NTRK2: variants seen among roughly 807,000 people sequenced by gnomAD.
NTRK2 encodes the protein neurotrophic receptor tyrosine kinase 2, also known as BDNF/NT-3 growth factors receptor.
A neutral mutation model predicts 94.5 loss-of-function variants in NTRK2; 13 were observed. The observed-to-expected ratio is 0.14, with a 90% CI of 0.09 to 0.22. NTRK2 has a LOEUF of 0.22. NTRK2 is among the 10% of genes least tolerant of loss of function. NTRK2 has a pLI of 1.00. For synonymous variants in NTRK2, 372 were observed against 407.4 expected, an observed-to-expected ratio of 0.91 and a Z score of 1.05; for missense variants, 639 against 1,071.2, an observed-to-expected ratio of 0.60 and a Z score of 5.63.
At chr9:84,695,221 G>T (rs1424697735) in intron 2 of NTRK2, among the ~76,000 whole-genome samples, 1 of 152,082 alleles carries the variant, frequency 6.6e-6, no homozygotes, top group Non-Finnish European at 1.5e-5. Flanking sequence ...TCATTTTGAT[G>T]TGTTGCCAAA....
chr9:84,989,298 A>C lies in NTRK2; in HGVS notation c.2173-30908A>C, dbSNP rs114125055. Among the ~76,000 whole-genome samples the C allele has an allele frequency of 3.2e-3, 493 of 152,270 alleles. 3 individuals carry two copies. Among genetic ancestry groups the C allele is most frequent in the African/African-American group, 0.011 (466 of 41,548 alleles). On this transcript the variant is annotated intron_variant, in intron 17 of 18. Coordinates refer to ENST00000277120, the MANE Select transcript of NTRK2 (RefSeq NM_006180.6). ...TCTCAGTTGTCACCACTTCAAAATTATGTTCTTTGCTTCTTAAAATCATCC... is the reference window on the plus strand; with the variant it reads ...TCTCAGTTGTCACCACTTCAAAATTCTGTTCTTTGCTTCTTAAAATCATCC...
intron 2 of NTRK2, among the ~76,000 whole-genome samples, chr9:84,686,837 A>G (rs1365254641): frequency 2.6e-5 from 4 of 152,374 alleles, no homozygotes; most frequent in African/African-American, 9.6e-5. Flanking sequence ...TGATAGACAT[A>G]TGAGATTAGA....
intron 14 of NTRK2, among the ~76,000 whole-genome samples, chr9:84,918,922 A>T (rs1370832470): frequency 6.6e-6 from 1 of 152,144 alleles, no homozygotes; most frequent in Non-Finnish European, 1.5e-5. Flanking sequence ...CTACCAGATG[A>T]TATGCTATTT....
intron 14 of NTRK2, among the ~76,000 whole-genome samples, chr9:84,899,504 C>T (rs1026633529): frequency 3.9e-5 from 6 of 152,206 alleles, no homozygotes; most frequent in African/African-American, 1.4e-4. Context: ...GCCCTCCCAC[C>T]AGCCATGACC....
intron 12 of NTRK2, among the ~76,000 whole-genome samples, chr9:84,842,637 TG>T (rs1280706842): frequency 6.6e-6 from 1 of 152,168 alleles, no homozygotes; most frequent in Non-Finnish European, 1.5e-5. Flanking sequence ...CCCATCTCCC[TG>T]GGGCTGATTT....
intron 14 of NTRK2, among the ~76,000 whole-genome samples, chr9:84,887,767 A>G (rs954695391): frequency 1.2e-4 from 18 of 152,156 alleles, no homozygotes; most frequent in African/African-American, 4.3e-4. Context: ...ACTTTGTTAC[A>G]TAGATTTCAG....
Position 84,814,908 on chromosome 9 carries a change from A to T in NTRK2, c.1397-46132A>T, listed in dbSNP as rs200132330. ...TTAGTACAGAAGTAACCACTCTATT[A>T]AGTGTGTTCTGCTATGTTCACATGC... On this transcript the variant is annotated intron_variant, in intron 12 of 18. Coordinates refer to ENST00000277120, the MANE Select transcript of NTRK2 (RefSeq NM_006180.6). 19 of 1,060,710 alleles carry T rather than the reference A, an allele frequency of 1.8e-5. No homozygotes were observed. In the African/African-American group the frequency reaches 3.1e-4, roughly 17 times the overall value. 65.7% of individuals were successfully genotyped at this position (1,060,710 alleles called of 1,614,324 possible). A position where few individuals can be genotyped will look rare whatever the true frequency, so the allele number is the denominator to read the frequency against.
rs191409625 is a variant in NTRK2, at chr9:84,854,685, G to C, written c.1397-6355G>C. On this transcript the variant is annotated intron_variant, in intron 12 of 18. Transcript: ENST00000277120. The stretch of plus-strand genomic sequence containing the variant: ...CTGAGGGCCGGGCGCGGTGGCTCAC[G>C]ACTGTAATCCCAGCACTTTAAGAGG... 1.8e-4 allele frequency among the ~76,000 whole-genome samples: 28 copies of C among 152,182 alleles called. No homozygotes were observed. In the East Asian group the frequency reaches 4.5e-3, roughly 24 times the overall value.
chr9:84,815,675 T>C, intron 12 of NTRK2: 1 of 1,006,222 alleles, frequency 9.9e-7, no homozygotes, highest in Non-Finnish European at 1.2e-6. Context: ...CAATCATTTT[T>C]AACAAGCCAA....
At chr9:84,871,818 T>A in intron 14 of NTRK2, 1 of 1,613,746 alleles carries the variant, frequency 6.2e-7, no homozygotes, top group Non-Finnish European at 8.5e-7. Context: ...GACCGCCTGA[T>A]AATAATTTGG....
chr9:84,840,419 A>G (rs1334156972), intron 12 of NTRK2, among the ~76,000 whole-genome samples: 3 of 151,960 alleles, frequency 2.0e-5, no homozygotes, highest in Non-Finnish European at 4.4e-5. Flanking sequence ...TCCCCAGACC[A>G]TATGCCACCT....
At chr9:84,809,882 G>GAAAAAAAAAAAAAAAAAA (rs35481612) in intron 12 of NTRK2, among the ~76,000 whole-genome samples, 1 of 118,778 alleles carries the variant, frequency 8.4e-6, no homozygotes. Context: ...ACTCTGTCTG[G>GAAAAAAAAAAAAAAAAAA]AAAAAAAAAA....
At chr9:84,695,003 C>T (rs1270764950) in intron 2 of NTRK2, among the ~76,000 whole-genome samples, 3 of 140,008 alleles carry the variant, frequency 2.1e-5, no homozygotes, top group African/African-American at 5.3e-5. Flanking sequence ...TGCAGTGAGC[C>T]GAGATCGCGC....
chr9:84,986,473 A>T (rs915490241), intron 17 of NTRK2, among the ~76,000 whole-genome samples: 4 of 152,140 alleles, frequency 2.6e-5, no homozygotes, highest in African/African-American at 9.7e-5. Context: ...ATCTGATAGG[A>T]GGCGGACCCC....
At chr9:84,740,464 A>G (rs2063561173) in intron 9 of NTRK2, among the ~76,000 whole-genome samples, 1 of 152,162 alleles carries the variant, frequency 6.6e-6, no homozygotes, top group African/African-American at 2.4e-5. Flanking sequence ...GCATACATTG[A>G]TACAGTGCCA....
rs1408349645 is a variant in NTRK2 at position 84,955,279 on chromosome 9, C to T, written c.1938-4C>T. 1.9e-6 allele frequency: 3 copies of T among 1,593,684 alleles called. No homozygotes were observed. The highest frequency in any genetic ancestry group is 2.6e-6 in the Non-Finnish European group (3 of 1,169,762). ...CCAGCTTCATTCTCCATGTCCTTCCCCAGGGCACACGGCCCTGATGCCGTG... is the reference window on the plus strand; with the variant it reads ...CCAGCTTCATTCTCCATGTCCTTCCTCAGGGCACACGGCCCTGATGCCGTG... On this transcript the variant is annotated splice_region_variant and splice_polypyrimidine_tract_variant and intron_variant, in intron 16 of 18. Coordinates refer to ENST00000277120, the MANE Select transcript of NTRK2 (RefSeq NM_006180.6).
rs373390735 is a variant in NTRK2, at chr9:84,758,064, A to G, written c.1396+5979A>G. On this transcript the variant is annotated intron_variant, in intron 12 of 18. Transcript: ENST00000277120. ...ATTAATAATGAATGTAAATATCTTTATCATGTGAAAAATAAGAGTAATGTT... is the reference window on the plus strand; with the variant it reads ...ATTAATAATGAATGTAAATATCTTTGTCATGTGAAAAATAAGAGTAATGTT... 5.7e-4 allele frequency among the ~76,000 whole-genome samples: 86 copies of G among 152,120 alleles called. 1 individual carries two copies. The South Asian group carries it at 0.018, about 31-fold the overall frequency.
intron 17 of NTRK2, among the ~76,000 whole-genome samples, chr9:84,997,584 C>A (rs1235177750): frequency 6.6e-6 from 1 of 152,056 alleles, no homozygotes; most frequent in African/African-American, 2.4e-5. Context: ...GATAGGGGTA[C>A]TTGTGGGTCA....
chr9:84,779,403 A>C (rs754477280), intron 12 of NTRK2, among the ~76,000 whole-genome samples: 4 of 152,264 alleles, frequency 2.6e-5, no homozygotes, highest in Non-Finnish European at 4.4e-5. Flanking sequence ...GCCAAATTGC[A>C]AAGAACTCAT....
Sources: gnomAD v4.1 joint callset for allele counts (sites outside exome capture counted in the v4.1 genomes callset) on GRCh38, gnomAD v4.1.1 for gene constraint, MANE v1.5 for transcripts, NCBI Gene and HGNC (gene_info 2026-07-23, HGNC 2026-07-21) for gene names.